Variants in PTPRT observed in about 807,000 individuals in gnomAD.
PTPRT encodes protein tyrosine phosphatase receptor type T, also known as receptor-type tyrosine-protein phosphatase T.
PTPRT carries 56 observed loss-of-function variants against 176.8 expected under a neutral mutation model. The ratio of observed to expected loss-of-function variants is 0.32; its 90% confidence interval spans 0.26 to 0.40. The LOEUF (loss-of-function observed/expected upper bound fraction) is 0.40. Among genes scored for constraint, PTPRT ranks in the 10% least tolerant of loss-of-function variants. PTPRT has a pLI of 1.00. For synonymous variants in PTPRT, 783 were observed against 739.0 expected, an observed-to-expected ratio of 1.06 and a Z score of -0.96; for missense variants, 1,540 against 1,908.2, an observed-to-expected ratio of 0.81 and a Z score of 3.60.
rs900845567 is a variant in PTPRT, at chr20:43,096,304, T to G, written c.88+93342A>C. Reference sequence around the variant, plus strand: ...CCCACCACCTGACTTCAGACAGGGATGGGATCATTTGCCTTCTCTTCTTAA... The same window carrying G: ...CCCACCACCTGACTTCAGACAGGGAGGGGATCATTTGCCTTCTCTTCTTAA... On this transcript the variant is annotated intron_variant, in intron 1 of 30. Transcript: ENST00000373187. Among the ~76,000 whole-genome samples the G allele has an allele frequency of 1.2e-4, 18 of 152,244 alleles. No homozygotes were observed. The East Asian group carries it at 2.5e-3, about 21-fold the overall frequency.
intron 1 of PTPRT, among the ~76,000 whole-genome samples, chr20:43,175,366 C>G (rs1403547983): frequency 6.6e-6 from 1 of 152,232 alleles, no homozygotes; most frequent in African/African-American, 2.4e-5. Context: ...GGAAATAAGG[C>G]CTTCCATATA....
intron 2 of PTPRT, among the ~76,000 whole-genome samples, chr20:42,816,917 G>A (rs554121729): frequency 5.9e-5 from 9 of 152,172 alleles, no homozygotes; most frequent in South Asian, 2.1e-4. Flanking sequence ...CCATGAAAGC[G>A]TAAAAACAAG....
intron 1 of PTPRT, among the ~76,000 whole-genome samples, chr20:43,031,490 T>G (rs142784437): frequency 1.2e-4 from 19 of 152,334 alleles, no homozygotes; most frequent in African/African-American, 4.3e-4. Flanking sequence ...ACAATTGCAT[T>G]GCTTAAAAAT....
At chr20:43,160,658 T>C (rs946946736) in intron 1 of PTPRT, among the ~76,000 whole-genome samples, 3 of 151,808 alleles carry the variant, frequency 2.0e-5, no homozygotes, top group African/African-American at 7.3e-5. Flanking sequence ...AAGTCAGCCT[T>C]GAAAGAATAT....
intron 9 of PTPRT, among the ~76,000 whole-genome samples, chr20:42,376,942 T>C (rs565190297): frequency 2.6e-5 from 4 of 152,276 alleles, no homozygotes; most frequent in African/African-American, 9.6e-5. Context: ...AACCAGAGAC[T>C]GACGTTATCA....
intron 2 of PTPRT, among the ~76,000 whole-genome samples, chr20:42,876,874 A>G (rs1023574165): frequency 1.3e-5 from 2 of 152,070 alleles, no homozygotes; most frequent in African/African-American, 4.8e-5. Flanking sequence ...CAGCTACAGA[A>G]GCATAGTAGA....
intron 1 of PTPRT, among the ~76,000 whole-genome samples, chr20:42,899,873 C>G (rs1028343890): frequency 6.6e-6 from 1 of 152,188 alleles, no homozygotes; most frequent in African/African-American, 2.4e-5. Context: ...AATTTCTGAG[C>G]CTCCACTTCC....
At position 42,648,820 on chromosome 20, in the gene PTPRT, G is replaced by GTTTTTTTTTTTGTTTTT. The variant is rs746084382; in HGVS notation, c.1153+29045_1153+29046insAAAAACAAAAAAAAAAA. Among the ~76,000 whole-genome samples, 112 of 111,836 alleles carry GTTTTTTTTTTTGTTTTT rather than the reference G, an allele frequency of 1.0e-3. 7 individuals are homozygous for GTTTTTTTTTTTGTTTTT. The highest frequency in any genetic ancestry group is 4.1e-3 in the African/African-American group (109 of 26,880). 73.4% of individuals were successfully genotyped at this position (111,836 alleles called of 152,430 possible). A position where few individuals can be genotyped will look rare whatever the true frequency, so the allele number is the denominator to read the frequency against. The stretch of plus-strand genomic sequence containing the variant: ...GGGGATTTTTTTTTTTGGTGTCGTT[G>GTTTTTTTTTTTGTTTTT]TTTTTTTTTTTTTTTTTTGACAGAG... On this transcript the variant is annotated intron_variant, in intron 7 of 30. Transcript: ENST00000373187.
chr20:42,893,918 G>A (rs184888232), intron 1 of PTPRT, among the ~76,000 whole-genome samples: 1 of 151,744 alleles, frequency 6.6e-6, no homozygotes, highest in African/African-American at 2.4e-5. Flanking sequence ...GCTAAATGAC[G>A]AGTTAATGGG....
chr20:42,228,900 T>C (rs915519356), intron 15 of PTPRT, among the ~76,000 whole-genome samples: 4 of 152,106 alleles, frequency 2.6e-5, no homozygotes, highest in Non-Finnish European at 5.9e-5. Context: ...GGATCATGAA[T>C]TAGTAAGTCA....
intron 2 of PTPRT, among the ~76,000 whole-genome samples, chr20:42,801,856 G>A (rs1018197440): frequency 3.3e-5 from 5 of 152,140 alleles, no homozygotes; most frequent in African/African-American, 7.2e-5. Context: ...TTGTGGGGGG[G>A]CTAAAAGAAA....
At chr20:42,512,037 C>G (rs956804552) in intron 7 of PTPRT, among the ~76,000 whole-genome samples, 1 of 152,098 alleles carries the variant, frequency 6.6e-6, no homozygotes, top group African/African-American at 2.4e-5. Context: ...TTGTTTCTCT[C>G]CCTGGAGGCA....
At chr20:42,275,985 G>A (rs1450031293) in intron 13 of PTPRT, among the ~76,000 whole-genome samples, 1 of 152,122 alleles carries the variant, frequency 6.6e-6, no homozygotes, top group East Asian at 1.9e-4. Flanking sequence ...GATTTATAAA[G>A]ACTGAACAAC....
chr20:42,810,594 T>C (rs1377305809), intron 2 of PTPRT, among the ~76,000 whole-genome samples: 1 of 152,202 alleles, frequency 6.6e-6, no homozygotes, highest in Non-Finnish European at 1.5e-5. Flanking sequence ...AGCTTACCAT[T>C]GTATAAAATA....
chr20:42,038,427 TGGG>T, the PTPRT span, among the ~76,000 whole-genome samples: 1 of 152,122 alleles, frequency 6.6e-6, no homozygotes, highest in Admixed American at 6.6e-5. Flanking sequence ...GAGTCCAACT[TGGG>T]GGATGTGGGA....
intron 7 of PTPRT, among the ~76,000 whole-genome samples, chr20:42,584,142 G>A (rs2073428832): frequency 6.6e-6 from 1 of 152,152 alleles, no homozygotes; most frequent in Non-Finnish European, 1.5e-5. Context: ...TACATGGAGT[G>A]GAACAATCTC....
intron 2 of PTPRT, among the ~76,000 whole-genome samples, chr20:42,836,029 T>A (rs906260254): frequency 6.6e-6 from 1 of 152,112 alleles, no homozygotes; most frequent in African/African-American, 2.4e-5. Flanking sequence ...CCCCTCTGTT[T>A]GCCCCTGGTC....
intron 12 of PTPRT, among the ~76,000 whole-genome samples, chr20:42,301,350 A>C (rs2057465274): frequency 6.6e-6 from 1 of 152,196 alleles, no homozygotes; most frequent in Admixed American, 6.5e-5. Context: ...CATTCTAAAA[A>C]ATAACTGGTC....
At chr20:42,536,010 G>A (rs774583467) in intron 7 of PTPRT, among the ~76,000 whole-genome samples, 2 of 152,020 alleles carry the variant, frequency 1.3e-5, no homozygotes, top group East Asian at 1.9e-4. Context: ...CAATAAGATC[G>A]GCTAGTCTGG....
Sources: gnomAD v4.1 joint callset for allele counts (sites outside exome capture counted in the v4.1 genomes callset) on GRCh38, gnomAD v4.1.1 for gene constraint, MANE v1.5 for transcripts, NCBI Gene and HGNC (gene_info 2026-07-23, HGNC 2026-07-21) for gene names.